The following SEMA3D variants were observed in gnomAD, a reference collection of about 807,000 sequenced individuals.
SEMA3D encodes the protein semaphorin-3D.
A neutral mutation model predicts 100.1 loss-of-function variants in SEMA3D; 84 were observed. The ratio of observed to expected loss-of-function variants is 0.84; its 90% CI spans 0.70 to 1.01. The LOEUF (loss-of-function observed/expected upper bound fraction) is 1.01, where lower values mean the gene tolerates loss of function less well. SEMA3D is among the 50% of genes least tolerant of loss of function. The pLI, the probability that SEMA3D is intolerant of heterozygous loss-of-function variation, is 0.00. For missense variants in SEMA3D, 875 were observed against 934.1 expected, an observed-to-expected ratio of 0.94 and a Z score of 0.82; for synonymous variants, 312 against 320.7, an observed-to-expected ratio of 0.97 and a Z score of 0.29.
At chr7:85,059,883 A>G (rs1791426028) in intron 8 of SEMA3D, among the ~76,000 whole-genome samples, 1 of 152,258 alleles carries the variant, frequency 6.6e-6, no homozygotes, top group African/African-American at 2.4e-5. Context: ...AGAAATGCAT[A>G]GGAAAACCCA....
rs983026019 is a variant in SEMA3D at position 85,058,640 on chromosome 7, C to T, written c.719-2781G>A. 8.1e-5 allele frequency among the ~76,000 whole-genome samples: 12 copies of T among 148,964 alleles called. No homozygotes were observed. The East Asian group carries it at 1.4e-3, about 18-fold the overall frequency. ...GCGGGCGCCTGCAGTCCCAGCTACT[C>T]GGGAGGCTGAGGCAGGAGAATGGCC... On this transcript the variant is annotated intron_variant, in intron 8 of 18. Transcript: ENST00000284136.
chr7:85,221,698 G>C, the SEMA3D span, among the ~76,000 whole-genome samples: 1 of 151,980 alleles, frequency 6.6e-6, no homozygotes, highest in Admixed American at 6.6e-5. Context: ...GTCAAATAAT[G>C]TTATGAGTAT....
chr7:85,162,135 CCT>C (rs1790764215), intron 1 of SEMA3D, among the ~76,000 whole-genome samples: 1 of 151,822 alleles, frequency 6.6e-6, no homozygotes, highest in Non-Finnish European at 1.5e-5. Context: ...TATTCCTCAT[CCT>C]CTGTTTCACA....
intron 9 of SEMA3D, among the ~76,000 whole-genome samples, chr7:85,052,498 A>G (rs1326203028): frequency 1.3e-5 from 2 of 151,904 alleles, no homozygotes; most frequent in Non-Finnish European, 2.9e-5. Context: ...AATAAAAACG[A>G]AAAACAAACA....
At chr7:85,134,172 C>A (rs1450108181) in intron 2 of SEMA3D, among the ~76,000 whole-genome samples, 1 of 151,884 alleles carries the variant, frequency 6.6e-6, no homozygotes, top group African/African-American at 2.4e-5. Context: ...AAAGAACATA[C>A]TTAATTGCTT....
At chr7:85,029,205 G>T in intron 12 of SEMA3D, 2 of 703,466 alleles carry the variant, frequency 2.8e-6, no homozygotes, top group Non-Finnish European at 5.3e-6. Flanking sequence ...ACACCATGGT[G>T]CTCATCAGAT....
intron 2 of SEMA3D, among the ~76,000 whole-genome samples, chr7:85,148,082 G>A (rs902424262): frequency 1.3e-5 from 2 of 151,942 alleles, no homozygotes; most frequent in Admixed American, 6.6e-5. Flanking sequence ...TTAAAGGTAT[G>A]GAAACTTGAT....
chr7:85,246,036 T>C, the SEMA3D span, among the ~76,000 whole-genome samples: 1 of 152,068 alleles, frequency 6.6e-6, no homozygotes, highest in Non-Finnish European at 1.5e-5. Context: ...AAAATTTGAG[T>C]AGATGTTAAT....
intron 2 of SEMA3D, chr7:85,141,018 C>T: frequency 1.5e-6 from 1 of 686,384 alleles, no homozygotes; most frequent in Non-Finnish European, 1.8e-6. Context: ...AGTTTATAAA[C>T]TACTAATGAG....
intron 3 of SEMA3D, among the ~76,000 whole-genome samples, chr7:85,109,499 A>G (rs192966539): frequency 1.3e-5 from 2 of 152,040 alleles, no homozygotes; most frequent in East Asian, 3.9e-4. Context: ...TTAATTTCCA[A>G]ACTGTTTCTG....
chr7:85,236,312 T>C, the SEMA3D span, among the ~76,000 whole-genome samples: 11 of 150,382 alleles, frequency 7.3e-5, no homozygotes, highest in South Asian at 2.1e-3. Flanking sequence ...TTTATTTATT[T>C]ATTTATTTAT....
intron 3 of SEMA3D, among the ~76,000 whole-genome samples, chr7:85,112,207 C>T (rs1789114299): frequency 6.6e-6 from 1 of 152,136 alleles, no homozygotes; most frequent in Non-Finnish European, 1.5e-5. Context: ...CTACTTGAGA[C>T]ACATGCTTAA....
chr7:85,147,195 C>G (rs924952829), intron 2 of SEMA3D, among the ~76,000 whole-genome samples: 1 of 148,806 alleles, frequency 6.7e-6, no homozygotes, highest in East Asian at 2.0e-4. Flanking sequence ...CTCTGCCTCC[C>G]GGGTTCAAGT....
At chr7:85,031,061 C>A (rs757571961) in intron 12 of SEMA3D, among the ~76,000 whole-genome samples, 12 of 152,070 alleles carry the variant, frequency 7.9e-5, no homozygotes, top group Non-Finnish European at 1.6e-4. Flanking sequence ...TGCATTCTTG[C>A]TTTTCTAGGC....
At chr7:85,116,728 G>A (rs1340330334) in intron 3 of SEMA3D, among the ~76,000 whole-genome samples, 3 of 152,064 alleles carry the variant, frequency 2.0e-5, no homozygotes, top group East Asian at 3.9e-4. Flanking sequence ...TATTCTAGAA[G>A]TTTTAGTATC....
At chr7:85,155,585 G>A (rs1471714476) in intron 1 of SEMA3D, among the ~76,000 whole-genome samples, 6 of 152,074 alleles carry the variant, frequency 3.9e-5, no homozygotes, top group Non-Finnish European at 7.4e-5. Context: ...CCCAATAGGT[G>A]GTGTTAATTA....
At chr7:85,143,720 C>G (rs943553444) in intron 2 of SEMA3D, among the ~76,000 whole-genome samples, 2 of 134,512 alleles carry the variant, frequency 1.5e-5, no homozygotes, top group Non-Finnish European at 3.2e-5. Flanking sequence ...TAATATGAGA[C>G]ATGTAATTTT....
intron 3 of SEMA3D, among the ~76,000 whole-genome samples, chr7:85,113,110 T>C (rs913981685): frequency 3.3e-5 from 5 of 152,190 alleles, no homozygotes; most frequent in Admixed American, 2.0e-4. Flanking sequence ...AAATACATTA[T>C]TGTGCAATTT....
intron 1 of SEMA3D, chr7:85,167,087 C>T (rs1790926270): frequency 6.3e-6 from 1 of 159,918 alleles, no homozygotes; most frequent in Non-Finnish European, 1.3e-5. Flanking sequence ...GCTGGAGAAA[C>T]AGCAGATATT....
Sources: gnomAD v4.1 joint callset for allele counts (sites outside exome capture counted in the v4.1 genomes callset) on GRCh38, gnomAD v4.1.1 for gene constraint, MANE v1.5 for transcripts, NCBI Gene and HGNC (gene_info 2026-07-23, HGNC 2026-07-21) for gene names.